The following FSIP2 variants were observed in gnomAD, a reference collection of about 807,000 sequenced individuals.
FSIP2 encodes the protein fibrous sheath-interacting protein 2.
In FSIP2, 367 loss-of-function variants were observed where a neutral mutation model predicts 510.5. The ratio of observed to expected loss-of-function variants is 0.72; its 90% CI spans 0.66 to 0.78. The LOEUF (loss-of-function observed/expected upper bound fraction) is 0.78. Ranked by LOEUF, FSIP2 falls within the 30% of genes least tolerant of loss-of-function variation. FSIP2 has a pLI of 0.00. For missense variants in FSIP2, 7,594 were observed against 7,901.7 expected (o/e 0.96, Z 1.48); for synonymous variants, 2,601 against 2,732.2 (o/e 0.95, Z 1.50).
Position 185,793,629 on chromosome 2 carries a change from C to T in FSIP2, c.6493C>T (p.His2165Tyr). The change falls in exon 16 of 23, where the codon CAT (histidine) becomes TAT (tyrosine). Residue 2165 changes from histidine (H) to tyrosine (Y), a missense_variant. Physicochemically the swap from His to Tyr is moderately conservative, Grantham distance 83 (BLOSUM62 2). Coordinates refer to ENST00000424728, the MANE Select transcript of FSIP2 (RefSeq NM_173651.4). Reference protein sequence around the residue: ...ISNDIVNIVLHNLSSAATLVI... With the variant: ...ISNDIVNIVLYNLSSAATLVI... The stretch of plus-strand genomic sequence containing the variant: ...CAATGATATAGTGAATATTGTTCTT[C>T]ATAATCTCAGTTCTGCTGCCACGCT... 2 of 1,534,256 alleles carry T rather than the reference C, an allele frequency of 1.3e-6. No individual in the cohort carries two copies. Among genetic ancestry groups the T allele is most frequent in the Non-Finnish European group, 1.7e-6 (2 of 1,145,462 alleles).
At chr2:185,745,667 C>T in intron 5 of FSIP2, 99 bp downstream of exon 5, 1 of 976,858 alleles carries the variant, frequency 1.0e-6, no homozygotes, top group East Asian at 2.9e-5. Context: ...TACTGGACAC[C>T]ATTCTCCTGG....
intron 2 of FSIP2, among the ~76,000 whole-genome samples, chr2:185,742,237 A>C (rs1041284466): frequency 5.3e-5 from 8 of 152,192 alleles, no homozygotes; most frequent in Admixed American, 5.2e-4. Context: ...TTTCCATTTC[A>C]GAGGTCCCCC....
chr2:185,792,156 C>G lies in FSIP2; in HGVS notation c.5020C>G (p.Pro1674Ala), dbSNP rs950744377. The change falls in exon 16 of 23, where the codon CCT (proline) becomes GCT (alanine). Residue 1674 changes from proline (P) to alanine (A), a missense_variant. Physicochemically the swap from Pro to Ala is conservative, Grantham distance 27 (BLOSUM62 -1). Coordinates refer to ENST00000424728, the MANE Select transcript of FSIP2 (RefSeq NM_173651.4). The stretch of plus-strand genomic sequence containing the variant: ...GAAGACAAGTGTAGAAAACCCACCA[C>G]CTGAGACTCAAATACTTAAGTATGT... ...DLKTSVENPP[P>A]ETQILKYVVK... The G allele has an allele frequency of 3.9e-6, 6 of 1,533,010 alleles. No homozygotes were observed. The African/African-American group carries it at 8.2e-5, about 21-fold the overall frequency. 95.0% of individuals were successfully genotyped at this position (1,533,010 alleles called of 1,614,324 possible).
In FSIP2 at chr2:185,808,937, T is replaced by C. The variant is rs1165329071; in HGVS notation, c.19631T>C (p.Ile6544Thr). 6.2e-7 allele frequency: 1 copy of C among 1,607,800 alleles called. No homozygotes were observed. The highest frequency in any genetic ancestry group is 8.5e-7 in the Non-Finnish European group (1 of 1,178,302). Reference sequence around the variant, plus strand: ...ATTATTTCAGAACACTTAGCAGTTATTTCTATAAAAACTCAACCTCTTGAG... The same window carrying C: ...ATTATTTCAGAACACTTAGCAGTTACTTCTATAAAAACTCAACCTCTTGAG... ...PKIISEHLAVISIKTQPLEKL... is the reference protein window; with the variant it reads ...PKIISEHLAVTSIKTQPLEKL... The change falls in exon 17 of 23, where the codon ATT becomes ACT. Residue 6544 changes from isoleucine to threonine, a missense_variant. Coordinates refer to ENST00000424728, the MANE Select transcript of FSIP2 (RefSeq NM_173651.4).
Position 185,799,815 on chromosome 2 carries a change from TG to T in FSIP2, c.10510del (p.Glu3504SerfsTer7). On this transcript the variant is annotated frameshift_variant, in exon 17 of 23. Coordinates refer to ENST00000424728, the MANE Select transcript of FSIP2 (RefSeq NM_173651.4). LOFTEE classifies it high-confidence loss of function. Reference protein sequence around the residue: ...SIYQCCEHLTESVLYHLTSSI... With the variant: ...SIYQCCEHLTXSVLYHLTSSI... The stretch of plus-strand genomic sequence containing the variant: ...TTTATCAATGTTGTGAACATCTCAC[TG>T]AGTCAGTACTTTACCATTTAACTTC... The T allele has an allele frequency of 6.5e-7, 1 of 1,531,516 alleles. No individual in the cohort carries two copies. The highest frequency in any genetic ancestry group is 8.7e-7 in the Non-Finnish European group (1 of 1,143,836). The allele number at this position is 1,531,516 out of a possible 1,614,324, so 94.9% of individuals were successfully genotyped here.
rs367945350 is a variant in FSIP2 at position 185,790,741 on chromosome 2, T to C, written c.3605T>C (p.Leu1202Ser). Residue 1202 changes from leucine to serine, a missense_variant, in exon 16 of 23, where the codon TTA (leucine) becomes TCA (serine). Coordinates refer to ENST00000424728, the MANE Select transcript of FSIP2 (RefSeq NM_173651.4). Reference sequence around the variant, plus strand: ...TCATCATCAGTTCATCAGATTTCCTTACATAATTCTGACACTGAACACATA... The same window carrying C: ...TCATCATCAGTTCATCAGATTTCCTCACATAATTCTGACACTGAACACATA... ...SISSSVHQIS[L>S]HNSDTEHIVK... 1.3e-6 allele frequency: 2 copies of C among 1,533,508 alleles called. No individual in the cohort carries two copies. The highest frequency in any genetic ancestry group is 1.2e-5 in the South Asian group (1 of 83,942). The allele number at this position is 1,533,508 out of a possible 1,614,324, so 95.0% of individuals were successfully genotyped here.
chr2:185,820,880 C>T (rs1254058085), intron 19 of FSIP2, among the ~76,000 whole-genome samples: 1 of 151,128 alleles, frequency 6.6e-6, no homozygotes, highest in African/African-American at 2.4e-5. Flanking sequence ...CTTAACTTTA[C>T]ACCTTAGGGA....
chr2:185,795,023 G>A lies in FSIP2; in HGVS notation c.7887G>A (p.Lys2629=). ...TLLPYLPLQV[K]KDLIQMVLNK... ...TGCCATATTTACCATTGCAAGTGAA[G>A]AAAGACTTAATTCAAATGGTTCTCA... Residue 2629 remains lysine, a synonymous_variant, in exon 16 of 23, where the codon AAG becomes AAA. Transcript: ENST00000424728. 1.3e-6 allele frequency: 2 copies of A among 1,533,870 alleles called. No individual in the cohort carries two copies. Among genetic ancestry groups the A allele is most frequent in the Non-Finnish European group, 1.7e-6 (2 of 1,145,842 alleles).
At position 185,813,793 on chromosome 2, in the gene FSIP2, G is replaced by A. The variant is rs1482439566; in HGVS notation, c.20076G>A (p.Lys6692=). 1.2e-6 allele frequency: 2 copies of A among 1,613,430 alleles called. No individual in the cohort carries two copies. The highest frequency in any genetic ancestry group is 2.2e-5 in the South Asian group (2 of 91,058). Residue 6692 remains lysine, a synonymous_variant, in exon 18 of 23, where the codon AAG becomes AAA. Coordinates refer to ENST00000424728, the MANE Select transcript of FSIP2 (RefSeq NM_173651.4). ...AAGATCAAGTGAAAGAAGTCAAGAAGCCAATACAAAGCAAACTTTCTCCTA... is the reference window on the plus strand; with the variant it reads ...AAGATCAAGTGAAAGAAGTCAAGAAACCAATACAAAGCAAACTTTCTCCTA... ...VFEDQVKEVK[K]PIQSKLSPKS... is the part of the protein sequence containing the mutation.
intron 20 of FSIP2, 106 bp downstream of exon 20, chr2:185,824,586 G>T: frequency 1.4e-6 from 1 of 699,608 alleles, no homozygotes; most frequent in Non-Finnish European, 2.5e-6. Flanking sequence ...TTTTCTATGA[G>T]TTTATCTACT....
intron 2 of FSIP2, among the ~76,000 whole-genome samples, 177 bp downstream of exon 2, chr2:185,739,648 A>C (rs1691882254): frequency 6.6e-6 from 1 of 152,190 alleles, no homozygotes; most frequent in Non-Finnish European, 1.5e-5. Context: ...TTTCATCTTA[A>C]TGGTTTGGAC....
chr2:185,831,715 T>C (rs1694112136), intron 21 of FSIP2, 98 bp from the exon 22 acceptor site: 2 of 750,092 alleles, frequency 2.7e-6, no homozygotes, highest in Admixed American at 3.8e-5. Context: ...GCTGTAGTGG[T>C]ATTTATAGGT....
chr2:185,804,722 TA>T lies in FSIP2; in HGVS notation c.15420del (p.Glu5141ArgfsTer17), dbSNP rs1213615679. ...VFPSTHTENELKEKKFPPDDE... is the reference protein window; with the variant it reads ...VFPSTHTENEXKEKKFPPDDE... ...CCTTCAACTCACACTGAAAATGAAC[TA>T]AAAGAGAAAAAGTTTCCACCGGATG... is the stretch of plus-strand genomic sequence containing the variant. On this transcript the variant is annotated frameshift_variant, in exon 17 of 23. Coordinates refer to ENST00000424728, the MANE Select transcript of FSIP2 (RefSeq NM_173651.4). LOFTEE classifies it high-confidence loss of function. The T allele has an allele frequency of 2.8e-5, 43 of 1,530,264 alleles. No homozygotes were observed. Among genetic ancestry groups the T allele is most frequent in the Non-Finnish European group, 3.7e-5 (42 of 1,144,318 alleles). The allele number at this position is 1,530,264 out of a possible 1,614,324, so 94.8% of individuals were successfully genotyped here. A position where few individuals can be genotyped will look rare whatever the true frequency, so the allele number is the denominator to read the frequency against.
chr2:185,820,884 T>G (rs977111659), intron 19 of FSIP2, among the ~76,000 whole-genome samples: 1 of 151,222 alleles, frequency 6.6e-6, no homozygotes, highest in Non-Finnish European at 1.5e-5. Context: ...ACTTTACACC[T>G]TAGGGAACTA....
chr2:185,739,339 C>G lies in FSIP2; in HGVS notation c.100-7C>G. ...GAAAGACAAAACTCTCCAATTGTGT[C>G]TGACAGGGCGTGCACAAAACCCACT... On this transcript the variant is annotated splice_region_variant and splice_polypyrimidine_tract_variant and intron_variant, in intron 1 of 22. Coordinates refer to ENST00000424728, the MANE Select transcript of FSIP2 (RefSeq NM_173651.4). The G allele has an allele frequency of 6.6e-7, 1 of 1,521,742 alleles. No homozygotes were observed. Among genetic ancestry groups the G allele is most frequent in the Non-Finnish European group, 8.8e-7 (1 of 1,141,740 alleles). The allele number at this position is 1,521,742 out of a possible 1,614,324, so 94.3% of individuals were successfully genotyped here.
chr2:185,806,017 A>T lies in FSIP2; in HGVS notation c.16711A>T (p.Ile5571Phe). 1 of 1,554,700 alleles carries T rather than the reference A, an allele frequency of 6.4e-7. No homozygotes were observed. The highest frequency in any genetic ancestry group is 8.7e-7 in the Non-Finnish European group (1 of 1,150,490). The change falls in exon 17 of 23, where the codon ATT becomes TTT. Residue 5571 changes from isoleucine to phenylalanine, a missense_variant. By Grantham distance (21) the Ile-to-Phe change is conservative. Transcript: ENST00000424728. ...TGAAATTGAGAAGAAAAGAAATTTA[A>T]TTCCAACAGATAAAAAAGGGAAAGA... ...NNEIEKKRNL[I>F]PTDKKGKDDE...
chr2:185,797,598 G>T (rs1693322606), intron 16 of FSIP2, 72 bp downstream of exon 16: 1 of 1,419,762 alleles, frequency 7.0e-7, no homozygotes. Flanking sequence ...ATGTTTAAAA[G>T]ATCTCCTGTC....
rs1693137504 is a variant in FSIP2, at chr2:185,791,896, A to C, written c.4760A>C (p.Asn1587Thr). Residue 1587 changes from asparagine (N) to threonine (T), a missense_variant, in exon 16 of 23, where the codon AAT (asparagine) becomes ACT (threonine). Coordinates refer to ENST00000424728, the MANE Select transcript of FSIP2 (RefSeq NM_173651.4). Reference sequence around the variant, plus strand: ...AAAGCTGTAGCTTCAGATATTCTTAATATGGTTTTTGCTAAACTGGAAGGG... The same window carrying C: ...AAAGCTGTAGCTTCAGATATTCTTACTATGGTTTTTGCTAAACTGGAAGGG... Reference protein sequence around the residue: ...KLKAVASDILNMVFAKLEGFA... With the variant: ...KLKAVASDILTMVFAKLEGFA... The C allele has an allele frequency of 6.5e-7, 1 of 1,533,968 alleles. No homozygotes were observed. The highest frequency in any genetic ancestry group is 8.7e-7 in the Non-Finnish European group (1 of 1,145,496).
At chr2:185,753,434 T>C (rs1038992592) in intron 7 of FSIP2, among the ~76,000 whole-genome samples, 6 of 151,396 alleles carry the variant, frequency 4.0e-5, no homozygotes, top group African/African-American at 1.5e-4. Flanking sequence ...ATTAAGAAAT[T>C]ACTTAAACTC....
Sources: gnomAD v4.1 joint callset for allele counts (sites outside exome capture counted in the v4.1 genomes callset) on GRCh38, gnomAD v4.1.1 for gene constraint, MANE v1.5 for transcripts, NCBI Gene and HGNC (gene_info 2026-07-23, HGNC 2026-07-21) for gene names.